The following CERS6 variants were observed in gnomAD, a reference collection of about 807,000 sequenced individuals.
CERS6 encodes the protein ceramide synthase 6.
CERS6 carries 26 observed loss-of-function variants against 56.8 expected under a neutral mutation model. That is an observed-to-expected ratio of 0.46 (90% CI 0.34 to 0.63). The LOEUF is 0.63. Ranked by LOEUF, CERS6 falls within the 30% of genes least tolerant of loss-of-function variation. The probability of loss-of-function intolerance (pLI) is 0.01; values close to 1 mark genes in which losing one functional copy is unlikely to be tolerated. For missense variants in CERS6, 415 were observed against 467.5 expected (o/e 0.89, Z 1.04); for synonymous variants, 164 against 173.3 (o/e 0.95, Z 0.42).
intron 2 of CERS6, among the ~76,000 whole-genome samples, chr2:168,558,880 A>T (rs937080528): frequency 6.6e-6 from 1 of 152,206 alleles, no homozygotes; most frequent in Non-Finnish European, 1.5e-5. Flanking sequence ...CACACAAAAA[A>T]GAAACTGATT....
chr2:168,695,006 T>G lies in CERS6; in HGVS notation c.564T>G (p.Phe188Leu). Residue 188 changes from phenylalanine (F) to leucine (L), a missense_variant, in exon 6 of 10, where the codon TTT becomes TTG. Coordinates refer to ENST00000305747, the MANE Select transcript of CERS6 (RefSeq NM_203463.3). ...ACTATTACATCCTGGAGCTGTCGTT[T>G]TATTGGTCTTTGATGTTTTCTCAGT... ...LHYYYILELS[F>L]YWSLMFSQFT... 1 of 1,613,620 alleles carries G rather than the reference T, an allele frequency of 6.2e-7. No homozygotes were observed. The highest frequency in any genetic ancestry group is 8.5e-7 in the Non-Finnish European group (1 of 1,179,670).
intron 3 of CERS6, among the ~76,000 whole-genome samples, chr2:168,627,574 T>C (rs1020955271): frequency 1.3e-5 from 2 of 151,830 alleles, no homozygotes; most frequent in Non-Finnish European, 2.9e-5. Flanking sequence ...TTGATGGTGA[T>C]TTGTTTTCAT....
At chr2:168,662,375 A>C (rs532919639) in intron 4 of CERS6, among the ~76,000 whole-genome samples, 1 of 152,276 alleles carries the variant, frequency 6.6e-6, no homozygotes, top group South Asian at 2.1e-4. Flanking sequence ...TAAAAGGAAG[A>C]GTATCACTGG....
intron 1 of CERS6, among the ~76,000 whole-genome samples, chr2:168,463,557 C>G (rs940432719): frequency 6.6e-6 from 1 of 152,062 alleles, no homozygotes; most frequent in Non-Finnish European, 1.5e-5. Context: ...AAATTGTTGT[C>G]CAGAAAGATT....
chr2:168,765,237 C>T (rs1012618696), intron 8 of CERS6, among the ~76,000 whole-genome samples: 10 of 152,056 alleles, frequency 6.6e-5, no homozygotes, highest in Admixed American at 3.3e-4. Context: ...GAAAAGTGTG[C>T]TGAGCATGTA....
At chr2:168,582,551 A>G (rs1308273440) in intron 3 of CERS6, among the ~76,000 whole-genome samples, 3 of 152,284 alleles carry the variant, frequency 2.0e-5, no homozygotes, top group East Asian at 1.9e-4. Context: ...ACCTTAAATC[A>G]TTTAATAACT....
intron 3 of CERS6, among the ~76,000 whole-genome samples, chr2:168,585,558 G>A (rs1683521322): frequency 6.6e-6 from 1 of 152,232 alleles, no homozygotes; most frequent in Non-Finnish European, 1.5e-5. Context: ...AACATAGGTG[G>A]AAGGCAGGTC....
intron 1 of CERS6, among the ~76,000 whole-genome samples, chr2:168,540,703 C>A (rs910762518): frequency 1.3e-5 from 2 of 152,164 alleles, no homozygotes; most frequent in Admixed American, 6.5e-5. Flanking sequence ...TGTCGTTGAG[C>A]CTTCATAATT....
At chr2:168,712,586 ATAG>A (rs1278445511) in intron 6 of CERS6, among the ~76,000 whole-genome samples, 9 of 152,364 alleles carry the variant, frequency 5.9e-5, no homozygotes, top group African/African-American at 1.2e-4. Flanking sequence ...CAGGGATTAA[ATAG>A]TAGCGTGATT....
intron 3 of CERS6, among the ~76,000 whole-genome samples, chr2:168,565,869 A>T (rs1434861156): frequency 6.6e-6 from 1 of 152,208 alleles, no homozygotes; most frequent in Admixed American, 6.5e-5. Context: ...TAAAAATGAG[A>T]TGTCATGTGA....
chr2:168,629,828 T>C (rs1684670490), intron 3 of CERS6, among the ~76,000 whole-genome samples: 1 of 152,098 alleles, frequency 6.6e-6, no homozygotes, highest in South Asian at 2.1e-4. Context: ...TTTTTCTTTT[T>C]TTTTTGAGAT....
At chr2:168,705,432 C>T (rs1056539366) in intron 6 of CERS6, among the ~76,000 whole-genome samples, 41 of 152,120 alleles carry the variant, frequency 2.7e-4, no homozygotes, top group African/African-American at 9.2e-4. Context: ...CAAGAAGCAG[C>T]TTCCAGGAAA....
chr2:168,620,497 G>T (rs1041191102), intron 3 of CERS6, among the ~76,000 whole-genome samples: 1 of 152,130 alleles, frequency 6.6e-6, no homozygotes, highest in Non-Finnish European at 1.5e-5. Context: ...TCCTGTTCAT[G>T]TTAATTTAAT....
intron 4 of CERS6, among the ~76,000 whole-genome samples, chr2:168,656,309 G>T (rs1001963473): frequency 6.6e-6 from 1 of 152,228 alleles, no homozygotes; most frequent in Admixed American, 6.5e-5. Flanking sequence ...TGAAAGTTTT[G>T]TAGCTTTTAA....
intron 4 of CERS6, among the ~76,000 whole-genome samples, chr2:168,670,979 C>CCG (rs1553506539): frequency 2.6e-4 from 22 of 83,238 alleles, no homozygotes; most frequent in African/African-American, 6.3e-4. Flanking sequence ...CCCCCCCCCC[C>CCG]CAGACGGAAG....
intron 3 of CERS6, among the ~76,000 whole-genome samples, chr2:168,630,481 A>C (rs558584136): frequency 1.3e-5 from 2 of 152,308 alleles, no homozygotes; most frequent in Non-Finnish European, 2.9e-5. Context: ...AATTTGATTT[A>C]TTTAGATTCT....
At position 168,456,442 on chromosome 2, in the gene CERS6, A is replaced by G. The variant is rs1402052172; in HGVS notation, c.-7A>G. 1 of 1,611,860 alleles carries G rather than the reference A, an allele frequency of 6.2e-7. No homozygotes were observed. The highest frequency in any genetic ancestry group is 1.3e-5 in the African/African-American group (1 of 74,876). ...GGGTGCCGCAGGACAGGAGTGGACAAAGCAAGATGGCAGGGATCTTAGCCT... is the reference window on the plus strand; with the variant it reads ...GGGTGCCGCAGGACAGGAGTGGACAGAGCAAGATGGCAGGGATCTTAGCCT... On this transcript the variant is annotated 5_prime_UTR_variant, in exon 1 of 10. Transcript: ENST00000305747. This position sits in a 1 kb window ranked among gnomAD's most constrained non-coding sequence, Gnocchi z 4.1.
chr2:168,556,522 G>A (rs1271732063), intron 2 of CERS6, among the ~76,000 whole-genome samples: 3 of 152,014 alleles, frequency 2.0e-5, no homozygotes, highest in Admixed American at 2.0e-4. Flanking sequence ...CTATATTTCT[G>A]TATTGTGCCA....
chr2:168,497,179 A>G (rs1001073093), intron 1 of CERS6, among the ~76,000 whole-genome samples: 1 of 152,202 alleles, frequency 6.6e-6, no homozygotes, highest in African/African-American at 2.4e-5. Flanking sequence ...TGTGGTAGAC[A>G]GAAGGGATAT....
Sources: allele counts gnomAD v4.1 joint callset (sites outside exome capture counted in the v4.1 genomes callset), GRCh38; gene constraint gnomAD v4.1.1; non-coding constraint Gnocchi (gnomAD v3.1); transcripts MANE v1.5; gene names NCBI Gene and HGNC (gene_info 2026-07-23, HGNC 2026-07-21).